The following PIAS1 variants were observed in gnomAD, a reference collection of about 807,000 sequenced individuals.
PIAS1 encodes the protein E3 SUMO-protein ligase PIAS1.
In PIAS1, 6 loss-of-function variants were observed where a neutral mutation model predicts 71.3. That is an observed-to-expected ratio of 0.08 (90% CI 0.05 to 0.17). PIAS1 has a LOEUF of 0.17. PIAS1 is among the 10% of genes least tolerant of loss of function. The pLI, the probability that PIAS1 is intolerant of heterozygous loss-of-function variation, is 1.00. For synonymous variants in PIAS1, 303 were observed against 292.9 expected (o/e 1.03, Z -0.35); for missense variants, 555 against 793.6 (o/e 0.70, Z 3.61).
chr15:68,150,601 G>T (rs763236670), intron 6 of PIAS1, among the ~76,000 whole-genome samples: 1 of 152,130 alleles, frequency 6.6e-6, no homozygotes, highest in Admixed American at 6.5e-5. Flanking sequence ...CTAGTATAGC[G>T]CCTGAAAGAA....
At chr15:68,072,433 T>G in intron 1 of PIAS1, among the ~76,000 whole-genome samples, 1 of 142,742 alleles carries the variant, frequency 7.0e-6, no homozygotes, top group Non-Finnish European at 1.5e-5. Flanking sequence ...AAAAAAGAGT[T>G]ATGGGAAGTT....
At chr15:68,113,951 C>T (rs2092542596) in intron 2 of PIAS1, among the ~76,000 whole-genome samples, 2 of 151,732 alleles carry the variant, frequency 1.3e-5, no homozygotes, top group South Asian at 4.1e-4. Flanking sequence ...ATATTTGCAA[C>T]CTTGAAAATT....
chr15:68,057,496 G>A (rs1365514731), intron 1 of PIAS1: 2 of 444,224 alleles, frequency 4.5e-6, no homozygotes, highest in Non-Finnish European at 9.0e-6. Context: ...GAGTGGGAGA[G>A]AAGAAGTCCA....
At chr15:68,102,769 G>A (rs1454416099) in intron 2 of PIAS1, among the ~76,000 whole-genome samples, 2 of 151,968 alleles carry the variant, frequency 1.3e-5, no homozygotes, top group South Asian at 4.1e-4. Context: ...AATTTGAGGG[G>A]TATTTCTTCA....
chr15:68,146,495 T>C, intron 5 of PIAS1, 71 bp from the exon 6 acceptor site: 1 of 1,245,458 alleles, frequency 8.0e-7, no homozygotes, highest in Non-Finnish European at 1.1e-6. Flanking sequence ...GTAGGGGGTT[T>C]TTTCTTAAGG....
At position 68,186,496 on chromosome 15, in the gene PIAS1, T is replaced by C. The variant is rs1298947720; in HGVS notation, c.1663-1046T>C. Among the ~76,000 whole-genome samples, 12 of 152,374 alleles carry C rather than the reference T, an allele frequency of 7.9e-5. No individual in the cohort carries two copies. Among genetic ancestry groups the C allele is most frequent in the Admixed American group, 1.3e-4 (2 of 15,306 alleles). ...AGTTTATAAAGTAAAATTAGTTAGCTAATGTTAATTTATTATTGAAGAAAG... is the reference window on the plus strand; with the variant it reads ...AGTTTATAAAGTAAAATTAGTTAGCCAATGTTAATTTATTATTGAAGAAAG... On this transcript the variant is annotated intron_variant, in intron 13 of 13. Coordinates refer to ENST00000249636, the MANE Select transcript of PIAS1 (RefSeq NM_016166.3). The surrounding 1 kb of genome is among the most constrained non-coding windows in gnomAD (Gnocchi z 4.4).
chr15:68,176,096 T>C (rs1314904480), intron 10 of PIAS1, among the ~76,000 whole-genome samples: 1 of 152,142 alleles, frequency 6.6e-6, no homozygotes, highest in East Asian at 1.9e-4. Flanking sequence ...TTTATTTATT[T>C]TTTCCTGGCT....
rs1473621143 is a variant in PIAS1, at chr15:68,136,375, G to A, written c.470-5571G>A. On this transcript the variant is annotated intron_variant, in intron 2 of 13. Coordinates refer to ENST00000249636, the MANE Select transcript of PIAS1 (RefSeq NM_016166.3). ...GGCGCCTCGGGAGGCCGAGGCTGGC[G>A]GATCACTCGCGGTTAGGAGCTGGAG... 8.5e-3 allele frequency among the ~76,000 whole-genome samples: 403 copies of A among 47,544 alleles called. 96 individuals carry two copies. Among genetic ancestry groups the A allele is most frequent in the African/African-American group, 0.017 (378 of 22,618 alleles). 31.2% of individuals were successfully genotyped at this position (47,544 alleles called of 152,430 possible).
At chr15:68,062,599 G>A (rs1040972498) in intron 1 of PIAS1, among the ~76,000 whole-genome samples, 16 of 151,934 alleles carry the variant, frequency 1.1e-4, no homozygotes, top group African/African-American at 3.9e-4. Flanking sequence ...GCCTATTTTG[G>A]GCATTTAATA....
At chr15:68,135,030 C>T (rs1482671184) in intron 2 of PIAS1, among the ~76,000 whole-genome samples, 6 of 47,292 alleles carry the variant, frequency 1.3e-4, no homozygotes, top group South Asian at 1.1e-3. Context: ...TCCTCACTTC[C>T]CAGTAGGGGC....
chr15:68,104,591 CAATT>C (rs887592296), intron 2 of PIAS1, among the ~76,000 whole-genome samples: 122 of 152,010 alleles, frequency 8.0e-4, no homozygotes, highest in African/African-American at 2.8e-3. Flanking sequence ...GAGCTAAAAA[CAATT>C]GATCTCATGG....
chr15:68,096,160 A>G (rs1163254386), intron 2 of PIAS1, among the ~76,000 whole-genome samples: 2 of 152,202 alleles, frequency 1.3e-5, no homozygotes, highest in Admixed American at 6.5e-5. Flanking sequence ...TTTTGAAACT[A>G]TATGTTTGAA....
chr15:68,151,682 A>AC (rs2092845757), intron 6 of PIAS1, among the ~76,000 whole-genome samples: 1 of 70,238 alleles, frequency 1.4e-5, no homozygotes, highest in Non-Finnish European at 2.6e-5. Flanking sequence ...CAAAAAAACA[A>AC]AACACACACA....
At chr15:68,102,339 C>A (rs2092434375) in intron 2 of PIAS1, among the ~76,000 whole-genome samples, 1 of 152,152 alleles carries the variant, frequency 6.6e-6, no homozygotes, top group African/African-American at 2.4e-5. Context: ...CCACCATTAC[C>A]ACATGGTCTT....
chr15:68,067,841 G>A (rs60354409), intron 1 of PIAS1, among the ~76,000 whole-genome samples: 36,742 of 152,054 alleles, frequency 0.24, 4,907 homozygotes, highest in Middle Eastern at 0.34. Context: ...GCCTTCCTTT[G>A]TGCACCCTCA....
intron 1 of PIAS1, chr15:68,057,413 T>TA (rs965399528): frequency 5.4e-4 from 211 of 390,054 alleles, no homozygotes; most frequent in East Asian, 1.3e-3. Flanking sequence ...TAAAGTAATT[T>TA]AAAAAAAAAT....
rs1171976997 is a variant in PIAS1, at chr15:68,184,490, G to C, written c.1662+823G>C. The C allele has an allele frequency of 2.0e-5, 3 of 152,204 alleles. No homozygotes were observed. In the East Asian group the frequency reaches 5.8e-4, roughly 29 times the overall value. 9.4% of individuals were successfully genotyped at this position (152,204 alleles called of 1,614,324 possible). On this transcript the variant is annotated intron_variant, in intron 13 of 13. Coordinates refer to ENST00000249636, the MANE Select transcript of PIAS1 (RefSeq NM_016166.3). ...ATAATGATCATGGCCAAAGCAAAAAGTTTGTTTGCAATGCTTAAAGAAAAG... is the reference window on the plus strand; with the variant it reads ...ATAATGATCATGGCCAAAGCAAAAACTTTGTTTGCAATGCTTAAAGAAAAG...
At chr15:68,064,683 T>C (rs1229708653) in intron 1 of PIAS1, among the ~76,000 whole-genome samples, 1 of 152,224 alleles carries the variant, frequency 6.6e-6, no homozygotes, top group Non-Finnish European at 1.5e-5. Flanking sequence ...AAAAATACTC[T>C]ATTTTTTCCC....
intron 6 of PIAS1, among the ~76,000 whole-genome samples, chr15:68,149,695 A>G (rs955216598): frequency 9.9e-5 from 15 of 152,198 alleles, no homozygotes; most frequent in African/African-American, 3.6e-4. Flanking sequence ...AGTTATTTTT[A>G]ATATTTATTT....
Sources: allele counts gnomAD v4.1 joint callset (sites outside exome capture counted in the v4.1 genomes callset), GRCh38; gene constraint gnomAD v4.1.1; non-coding constraint Gnocchi (gnomAD v3.1); transcripts MANE v1.5; gene names NCBI Gene and HGNC (gene_info 2026-07-23, HGNC 2026-07-21).